AKR1E2: variants seen among roughly 807,000 people sequenced by gnomAD.
AKR1E2 encodes aldo-keto reductase family 1 member E2, also known as 1,5-anhydro-D-fructose reductase.
A neutral mutation model predicts 41.9 loss-of-function variants in AKR1E2; 43 were observed. That is an observed-to-expected ratio of 1.03 (90% confidence interval 0.80 to 1.32). The LOEUF (loss-of-function observed/expected upper bound fraction) is 1.32, where lower values mean the gene tolerates loss of function less well. Among genes scored for constraint, AKR1E2 ranks in the 40% most tolerant of loss-of-function variants. The pLI, the probability that AKR1E2 is intolerant of heterozygous loss-of-function variation, is 0.00. For synonymous variants in AKR1E2, 121 were observed against 138.9 expected, an observed-to-expected ratio of 0.87 and a Z score of 0.91; for missense variants, 423 against 396.5, an observed-to-expected ratio of 1.07 and a Z score of -0.57.
At chr10:4,846,897 G>A (rs561001057) in intron 8 of AKR1E2, among the ~76,000 whole-genome samples, 4 of 152,284 alleles carry the variant, frequency 2.6e-5, no homozygotes, top group African/African-American at 9.6e-5. Flanking sequence ...GATGAGTGCA[G>A]TATATATTTC....
At chr10:4,827,889 G>T (rs906960284) in intron 1 of AKR1E2, among the ~76,000 whole-genome samples, 2 of 152,142 alleles carry the variant, frequency 1.3e-5, no homozygotes, top group Admixed American at 1.3e-4. Flanking sequence ...ACAATTTGGT[G>T]CAGGAGTCCA....
chr10:4,853,458 A>C, the AKR1E2 span, among the ~76,000 whole-genome samples: 94,369 of 148,034 alleles, frequency 0.64, 30,499 homozygotes, highest in East Asian at 0.8. Context: ...AAAAAAAAAA[A>C]CCAAACTCTG....
chr10:4,840,532 G>C (rs74111760), intron 6 of AKR1E2, among the ~76,000 whole-genome samples: 9,492 of 152,116 alleles, frequency 0.062, 329 homozygotes, highest in African/African-American at 0.072. Context: ...TCACTTTCCT[G>C]GGAAAAATTC....
chr10:4,843,013 G>A (rs1018402500), intron 8 of AKR1E2, among the ~76,000 whole-genome samples: 3 of 152,230 alleles, frequency 2.0e-5, no homozygotes, highest in Non-Finnish European at 4.4e-5. Context: ...GTGAAGACTG[G>A]AACAGGTGGA....
intron 4 of AKR1E2, among the ~76,000 whole-genome samples, chr10:4,836,788 G>A (rs961551102): frequency 4.6e-5 from 7 of 152,164 alleles, no homozygotes; most frequent in Non-Finnish European, 1.0e-4. Context: ...GCGAGGTTCC[G>A]GTGATTGTTG....
upstream of AKR1E2, chr10:4,825,018 C>T (rs1285353510): frequency 2.2e-6 from 1 of 455,942 alleles, no homozygotes; most frequent in Non-Finnish European, 4.4e-6. Flanking sequence ...TGCACCCTGG[C>T]CTAACTTGCC....
At chr10:4,859,249 T>A in the AKR1E2 span, among the ~76,000 whole-genome samples, 2 of 152,224 alleles carry the variant, frequency 1.3e-5, no homozygotes, top group African/African-American at 4.8e-5. Context: ...AGGATACAAA[T>A]ATGAATGAAG....
At chr10:4,847,068 A>C in intron 8 of AKR1E2, 80 bp from the exon 9 acceptor site, 1 of 1,496,856 alleles carries the variant, frequency 6.7e-7, no homozygotes, top group Non-Finnish European at 9.3e-7. Flanking sequence ...CAGGTCTAGC[A>C]CTGTGCTATG....
chr10:4,841,981 T>C, intron 7 of AKR1E2, 124 bp downstream of exon 7: 3 of 756,374 alleles, frequency 4.0e-6, no homozygotes, highest in South Asian at 4.4e-5. Context: ...CATGACTCAT[T>C]AGAACCTCCC....
chr10:4,831,719 A>C (rs1832981731), intron 2 of AKR1E2, among the ~76,000 whole-genome samples: 1 of 152,188 alleles, frequency 6.6e-6, no homozygotes, highest in Non-Finnish European at 1.5e-5. Context: ...GTCAGGTTGC[A>C]GGAGTAATGA....
intron 6 of AKR1E2, 115 bp from the exon 7 acceptor site, chr10:4,841,670 A>G (rs995773839): frequency 5.4e-6 from 4 of 746,708 alleles, no homozygotes; most frequent in Non-Finnish European, 8.1e-6. Context: ...TGTAGTCGGC[A>G]TGTGTCATGA....
intron 8 of AKR1E2, among the ~76,000 whole-genome samples, chr10:4,844,400 T>C (rs1834136751): frequency 6.6e-6 from 1 of 152,338 alleles, no homozygotes; most frequent in Non-Finnish European, 1.5e-5. Flanking sequence ...CAAGATCTAT[T>C]GCAAAGACCG....
chr10:4,871,534 A>G, the AKR1E2 span, among the ~76,000 whole-genome samples: 4 of 152,250 alleles, frequency 2.6e-5, no homozygotes, highest in Non-Finnish European at 5.9e-5. Flanking sequence ...ATTTGAAGGT[A>G]TACCAAATTA....
At chr10:4,866,112 T>C in the AKR1E2 span, among the ~76,000 whole-genome samples, 1 of 152,240 alleles carries the variant, frequency 6.6e-6, no homozygotes, top group Non-Finnish European at 1.5e-5. Flanking sequence ...TGTTTTTCAC[T>C]GTCCAGGCTA....
At chr10:4,870,445 G>A in the AKR1E2 span, among the ~76,000 whole-genome samples, 13 of 151,782 alleles carry the variant, frequency 8.6e-5, no homozygotes, top group African/African-American at 3.1e-4. Flanking sequence ...TCTGTTTAGA[G>A]AACTTACTTT....
At chr10:4,843,212 T>C (rs1834027782) in intron 8 of AKR1E2, among the ~76,000 whole-genome samples, 1 of 152,194 alleles carries the variant, frequency 6.6e-6, no homozygotes, top group African/African-American at 2.4e-5. Context: ...ATTCCCACAG[T>C]CTCACTCACG....
At chr10:4,856,351 T>G in the AKR1E2 span, among the ~76,000 whole-genome samples, 1 of 152,210 alleles carries the variant, frequency 6.6e-6, no homozygotes, top group African/African-American at 2.4e-5. Flanking sequence ...TTTTGTAGAC[T>G]GAATATTGGA....
chr10:4,826,488 C>A (rs1832516386), intron 1 of AKR1E2, 125 bp downstream of exon 1: 3 of 891,190 alleles, frequency 3.4e-6, no homozygotes, highest in Non-Finnish European at 3.0e-6. Context: ...TGGCCGACGC[C>A]CGGGAAAGGC....
intron 5 of AKR1E2, 39 bp downstream of exon 5, chr10:4,837,620 G>A: frequency 6.3e-7 from 1 of 1,591,220 alleles, no homozygotes; most frequent in Non-Finnish European, 8.6e-7. Flanking sequence ...AACCTGTGTG[G>A]CTGGTCCCCC....
Sources: allele counts gnomAD v4.1 joint callset (sites outside exome capture counted in the v4.1 genomes callset), GRCh38; gene constraint gnomAD v4.1.1; transcripts MANE v1.5; gene names NCBI Gene and HGNC (gene_info 2026-07-23, HGNC 2026-07-21).